EIF2AK1: variants seen among roughly 807,000 people sequenced by gnomAD.
EIF2AK1 encodes eukaryotic translation initiation factor 2 alpha kinase 1.
EIF2AK1 carries 54 observed loss-of-function variants against 77.9 expected under a neutral mutation model. The observed-to-expected ratio is 0.69, with a 90% CI of 0.56 to 0.87. The LOEUF (loss-of-function observed/expected upper bound fraction) is 0.87. Among genes scored for constraint, EIF2AK1 ranks in the 40% least tolerant of loss-of-function variants. The pLI is 0.00. For synonymous variants in EIF2AK1, 314 were observed against 290.5 expected (o/e 1.08, Z -0.82); for missense variants, 810 against 768.6 (o/e 1.05, Z -0.64).
intron 11 of EIF2AK1, chr7:6,031,353 C>T: frequency 1.9e-6 from 3 of 1,544,232 alleles, no homozygotes; most frequent in South Asian, 1.2e-5. Context: ...CAACATTTTC[C>T]CCTGAAGTCT....
Position 6,032,980 on chromosome 7 carries a change from T to G in EIF2AK1, c.1333-3948A>C, listed in dbSNP as rs1359559169. 1.3e-6 allele frequency: 2 copies of G among 1,503,274 alleles called. No individual in the cohort carries two copies. Among genetic ancestry groups the G allele is most frequent in the African/African-American group, 1.4e-5 (1 of 71,892 alleles). 93.1% of individuals were successfully genotyped at this position (1,503,274 alleles called of 1,614,324 possible). A position where few individuals can be genotyped will look rare whatever the true frequency, so the allele number is the denominator to read the frequency against. On this transcript the variant is annotated intron_variant, in intron 11 of 14. Coordinates refer to ENST00000199389, the MANE Select transcript of EIF2AK1 (RefSeq NM_014413.4). The surrounding 1 kb of genome is among the most constrained non-coding windows in gnomAD (Gnocchi z 4.3). Reference sequence around the variant, plus strand: ...AAATCATTTCTTTTTTTTTCTTTTTTGTTTTGAGGCAGGGGTCTCGCTCTG... The same window carrying G: ...AAATCATTTCTTTTTTTTTCTTTTTGGTTTTGAGGCAGGGGTCTCGCTCTG...
chr7:6,033,330 C>A lies in EIF2AK1; in HGVS notation c.1332+4094G>T, dbSNP rs1787971553. 6.6e-6 allele frequency among the ~76,000 whole-genome samples: 1 copy of A among 152,074 alleles called. No individual in the cohort carries two copies. The highest frequency in any genetic ancestry group is 1.5e-5 in the Non-Finnish European group (1 of 68,008). On this transcript the variant is annotated intron_variant, in intron 11 of 14. Coordinates refer to ENST00000199389, the MANE Select transcript of EIF2AK1 (RefSeq NM_014413.4). The surrounding 1 kb of genome is among the most constrained non-coding windows in gnomAD (Gnocchi z 4.4). ...ATATAGATTTTTTTTTCAGTTCATA[C>A]ATTTTTTCCACTTATGTTTGGACTT... is the stretch of plus-strand genomic sequence containing the variant.
chr7:6,024,760 T>C lies in EIF2AK1; in HGVS notation c.1806A>G (p.Lys602=). Residue 602 remains lysine, a synonymous_variant, in exon 15 of 15, where the codon AAA becomes AAG. Coordinates refer to ENST00000199389, the MANE Select transcript of EIF2AK1 (RefSeq NM_014413.4). ...TLQMKIIEQE[K]EIAELKKQLN... ...GCTGCTTCTTTAGTTCTGCAATTTCTTTTTCTTGCTCTATTATCTTCATCT... is the reference window on the plus strand; with the variant it reads ...GCTGCTTCTTTAGTTCTGCAATTTCCTTTTCTTGCTCTATTATCTTCATCT... The C allele has an allele frequency of 6.3e-7, 1 of 1,589,954 alleles. No homozygotes were observed. Among genetic ancestry groups the C allele is most frequent in the Non-Finnish European group, 8.5e-7 (1 of 1,172,028 alleles).
intron 11 of EIF2AK1, among the ~76,000 whole-genome samples, chr7:6,034,009 G>A (rs1046993971): frequency 5.3e-5 from 8 of 151,508 alleles, no homozygotes; most frequent in African/African-American, 1.2e-4. Context: ...AATACTATCC[G>A]AGTGAATGAA....
intron 10 of EIF2AK1, among the ~76,000 whole-genome samples, chr7:6,038,129 T>C (rs531431981): frequency 6.6e-6 from 1 of 152,080 alleles, no homozygotes; most frequent in South Asian, 2.1e-4. Context: ...AACACAAAAA[T>C]TGATAAAGAA....
Position 6,059,047 on chromosome 7 carries a change from C to G in EIF2AK1, c.37G>C (p.Glu13Gln). Residue 13 changes from glutamate to glutamine, a missense_variant, in exon 1 of 15, where the codon GAG becomes CAG. Transcript: ENST00000199389. ...ACAGCCCCAGCCCCGTCGCCCTCCT[C>G]TTCGCGCTTGCGGACCCCGGAGTTG... ...GGNSGVRKRE[E>Q]EGDGAGAVAA... The G allele has an allele frequency of 6.6e-7, 1 of 1,504,974 alleles. No individual in the cohort carries two copies. Among genetic ancestry groups the G allele is most frequent in the South Asian group, 1.3e-5 (1 of 79,212 alleles). 93.2% of individuals were successfully genotyped at this position (1,504,974 alleles called of 1,614,324 possible). A position where few individuals can be genotyped will look rare whatever the true frequency, so the allele number is the denominator to read the frequency against.
intron 2 of EIF2AK1, among the ~76,000 whole-genome samples, chr7:6,051,969 G>T (rs958843904): frequency 6.6e-6 from 1 of 151,820 alleles, no homozygotes; most frequent in African/African-American, 2.4e-5. Context: ...TCACGAGATC[G>T]AGATCATCCT....
chr7:6,026,480 T>G (rs775048151), intron 14 of EIF2AK1: 5 of 656,816 alleles, frequency 7.6e-6, no homozygotes, highest in Non-Finnish European at 1.4e-5. Context: ...CTCCTCTTTG[T>G]GAACACCAGC....
chr7:6,040,925 G>A lies in EIF2AK1; in HGVS notation c.1086C>T (p.Ser362=), dbSNP rs549479603. 2.9e-4 allele frequency: 469 copies of A among 1,614,054 alleles called. 8 individuals carry two copies. In the South Asian group the frequency reaches 4.6e-3, roughly 16 times the overall value. The change falls in exon 9 of 15, where the codon TCC becomes TCT. Residue 362 remains serine, a synonymous_variant. Transcript: ENST00000199389. The part of the protein sequence containing the change: ...EESFTSTEES[S]EENVNFLGQT... ...GACCCAAAAAGTTGACATTTTCTTC[G>A]GAAGATTCTTCGGTGGATGTGAAAC...
intron 13 of EIF2AK1, 42 bp downstream of exon 13, chr7:6,028,573 C>T: frequency 6.3e-7 from 1 of 1,589,688 alleles, no homozygotes; most frequent in Admixed American, 1.7e-5. Context: ...TTTAAGACTG[C>T]AGAATAAGTT....
intron 1 of EIF2AK1, among the ~76,000 whole-genome samples, chr7:6,056,395 C>A (rs1340009982): frequency 1.3e-5 from 2 of 149,604 alleles, no homozygotes; most frequent in African/African-American, 4.9e-5. Context: ...GAGTTCAAGA[C>A]CAGCCTGGCC....
At chr7:6,043,822 G>A (rs1357738841) in intron 7 of EIF2AK1, among the ~76,000 whole-genome samples, 1 of 152,088 alleles carries the variant, frequency 6.6e-6, no homozygotes, top group Admixed American at 6.6e-5. Context: ...TTTTGGGCCA[G>A]GCACAGAGGC....
At position 6,026,862 on chromosome 7, in the gene EIF2AK1, G is replaced by A; in HGVS notation, c.1630C>T (p.Gln544Ter). 1 of 1,614,122 alleles carries A rather than the reference G, an allele frequency of 6.2e-7. No homozygotes were observed. Among genetic ancestry groups the A allele is most frequent in the Non-Finnish European group, 8.5e-7 (1 of 1,180,034 alleles). The stretch of plus-strand genomic sequence containing the variant: ...CTTTTACGGAGGGATTCCGGCAACT[G>A]ACCAGTTCTTAAACCTGTTAGAACT... ...AEVLTGLRTG[Q>*]LPESLRKRCP... Residue 544 changes from glutamine (Q) to a stop codon, truncating the protein, a stop_gained, in exon 14 of 15, where the codon CAG becomes TAG. Coordinates refer to ENST00000199389, the MANE Select transcript of EIF2AK1 (RefSeq NM_014413.4). LOFTEE classifies it high-confidence loss of function.
chr7:6,041,640 G>C (rs561018094), intron 8 of EIF2AK1, among the ~76,000 whole-genome samples: 1 of 152,002 alleles, frequency 6.6e-6, no homozygotes, highest in East Asian at 1.9e-4. Context: ...AGAAGTTCGA[G>C]ACCAGCCTGG....
intron 2 of EIF2AK1, among the ~76,000 whole-genome samples, chr7:6,050,666 G>A (rs902005328): frequency 1.4e-5 from 2 of 142,456 alleles, no homozygotes; most frequent in Non-Finnish European, 3.0e-5. Flanking sequence ...GCACTGGCGC[G>A]ATCTCGGCTC....
At position 6,059,038 on chromosome 7, in the gene EIF2AK1, C is replaced by T; in HGVS notation, c.46G>A (p.Asp16Asn). ...GGCGCAGCCACAGCCCCAGCCCCGT[C>T]GCCCTCCTCTTCGCGCTTGCGGACC... ...SGVRKREEEGDGAGAVAAPPA... is the reference protein window; with the variant it reads ...SGVRKREEEGNGAGAVAAPPA... Residue 16 changes from aspartate (D) to asparagine (N), a missense_variant, in exon 1 of 15, where the codon GAC (aspartate) becomes AAC (asparagine). Asp to Asn is a conservative substitution (Grantham distance 23, BLOSUM62 1). Coordinates refer to ENST00000199389, the MANE Select transcript of EIF2AK1 (RefSeq NM_014413.4). The T allele has an allele frequency of 1.3e-6, 2 of 1,514,720 alleles. No individual in the cohort carries two copies. The highest frequency in any genetic ancestry group is 2.2e-5 in the Admixed American group (1 of 45,058). 93.8% of individuals were successfully genotyped at this position (1,514,720 alleles called of 1,614,324 possible).
rs1457211782 is a variant in EIF2AK1 at position 6,032,403 on chromosome 7, C to T, written c.1333-3371G>A. On this transcript the variant is annotated intron_variant, in intron 11 of 14. Coordinates refer to ENST00000199389, the MANE Select transcript of EIF2AK1 (RefSeq NM_014413.4). The surrounding 1 kb of genome is among the most constrained non-coding windows in gnomAD (Gnocchi z 4.3). ...CTAATCATAGACAGAACATATGCTG[C>T]GTTATATTTGAAAACCCTGAAGATT... 3.3e-5 allele frequency among the ~76,000 whole-genome samples: 5 copies of T among 152,212 alleles called. No individual in the cohort carries two copies. Among genetic ancestry groups the T allele is most frequent in the South Asian group, 4.1e-4 (2 of 4,820 alleles).
Position 6,038,681 on chromosome 7 carries a change from G to A in EIF2AK1, c.1120-10C>T, listed in dbSNP as rs1362681871. 1.3e-6 allele frequency: 2 copies of A among 1,593,428 alleles called. No individual in the cohort carries two copies. The highest frequency in any genetic ancestry group is 1.7e-6 in the Non-Finnish European group (2 of 1,170,158). Reference sequence around the variant, plus strand: ...TCAGGTGGTACTGTGCCTAGGAGAGGACACAGTGATGGCTCCCATCTTTGC... The same window carrying A: ...TCAGGTGGTACTGTGCCTAGGAGAGAACACAGTGATGGCTCCCATCTTTGC... On this transcript the variant is annotated splice_polypyrimidine_tract_variant and intron_variant, in intron 9 of 14. Transcript: ENST00000199389.
chr7:6,038,531 C>A, intron 10 of EIF2AK1, 29 bp downstream of exon 10: 2 of 1,577,942 alleles, frequency 1.3e-6, no homozygotes, highest in Non-Finnish European at 1.7e-6. Context: ...TGTCTATTTC[C>A]CGGCCCGGCA....
Sources: gnomAD v4.1 joint callset for allele counts (sites outside exome capture counted in the v4.1 genomes callset) on GRCh38, gnomAD v4.1.1 for gene constraint, Gnocchi (gnomAD v3.1) non-coding constraint, MANE v1.5 for transcripts, NCBI Gene and HGNC (gene_info 2026-07-23, HGNC 2026-07-21) for gene names.